The following STK39 variants were observed in gnomAD, a reference collection of about 807,000 sequenced individuals.
STK39 encodes STE20/SPS1-related proline-alanine-rich protein kinase.
In STK39, 20 loss-of-function variants were observed where a neutral mutation model predicts 77.8. The ratio of observed to expected loss-of-function variants is 0.26; its 90% CI spans 0.18 to 0.37. The LOEUF (loss-of-function observed/expected upper bound fraction) is 0.37. Among genes scored for constraint, STK39 ranks in the 10% least tolerant of loss-of-function variants. STK39 has a pLI of 1.00. For synonymous variants in STK39, 246 were observed against 234.1 expected (o/e 1.05, Z -0.47); for missense variants, 479 against 656.5 (o/e 0.73, Z 2.95).
intron 14 of STK39, among the ~76,000 whole-genome samples, chr2:168,017,824 C>A (rs912151675): frequency 6.6e-6 from 1 of 152,034 alleles, no homozygotes; most frequent in African/African-American, 2.4e-5. Context: ...AAGCACTACA[C>A]ATTAAATCAT....
At chr2:168,148,112 G>C (rs926722440) in intron 5 of STK39, among the ~76,000 whole-genome samples, 26 of 152,172 alleles carry the variant, frequency 1.7e-4, no homozygotes, top group African/African-American at 6.3e-4. Context: ...GTTTCCTTCT[G>C]ATTGCAATGC....
chr2:168,025,431 GTTCTC>G (rs1684671086), intron 14 of STK39, among the ~76,000 whole-genome samples: 1 of 152,174 alleles, frequency 6.6e-6, no homozygotes, highest in African/African-American at 2.4e-5. Context: ...CTCTGTAAGA[GTTCTC>G]GTATCATCCG....
chr2:168,190,982 G>A (rs1211874911), intron 1 of STK39, among the ~76,000 whole-genome samples: 8 of 152,178 alleles, frequency 5.3e-5, no homozygotes. Flanking sequence ...ACACCCACTG[G>A]CAAGGCCAAA....
intron 1 of STK39, among the ~76,000 whole-genome samples, chr2:168,198,038 CAAA>C (rs11448638): frequency 2.4e-5 from 3 of 124,426 alleles, no homozygotes; most frequent in Non-Finnish European, 1.8e-5. Context: ...AACTCGGTCT[CAAA>C]AAAAAAAAAA....
intron 10 of STK39, among the ~76,000 whole-genome samples, chr2:168,096,839 A>C (rs1387357252): frequency 6.6e-6 from 1 of 152,282 alleles, no homozygotes; most frequent in East Asian, 1.9e-4. Context: ...CTTCCTTATG[A>C]AACTTGTTCC....
At chr2:168,207,409 C>T (rs1352735185) in intron 1 of STK39, among the ~76,000 whole-genome samples, 2 of 152,154 alleles carry the variant, frequency 1.3e-5, no homozygotes, top group African/African-American at 4.8e-5. Context: ...TAGGCCTCCA[C>T]CCTTATGTCT....
chr2:168,126,931 T>G (rs1163300070), intron 10 of STK39, among the ~76,000 whole-genome samples: 3 of 152,100 alleles, frequency 2.0e-5, no homozygotes, highest in African/African-American at 7.2e-5. Context: ...CTCCCTTCAC[T>G]CCTATGTGAC....
At chr2:168,241,408 C>G (rs927299149) in intron 1 of STK39, among the ~76,000 whole-genome samples, 3 of 152,204 alleles carry the variant, frequency 2.0e-5, no homozygotes, top group Admixed American at 1.3e-4. Flanking sequence ...TCATAATGGG[C>G]TGCTCCTCTT....
chr2:168,050,493 T>A (rs903621023), intron 14 of STK39, among the ~76,000 whole-genome samples: 1 of 152,160 alleles, frequency 6.6e-6, no homozygotes, highest in Admixed American at 6.5e-5. Context: ...GGTGAGACCA[T>A]CCTAATCACA....
intron 12 of STK39, among the ~76,000 whole-genome samples, chr2:168,068,576 C>T (rs1366680334): frequency 2.0e-5 from 3 of 152,160 alleles, no homozygotes; most frequent in Non-Finnish European, 4.4e-5. Context: ...GGGGAGATTG[C>T]ATGAGGAATA....
chr2:168,031,482 C>A (rs958638127), intron 14 of STK39, among the ~76,000 whole-genome samples: 2 of 152,088 alleles, frequency 1.3e-5, no homozygotes, highest in African/African-American at 4.8e-5. Context: ...TTCTTATGGG[C>A]TGAACACACA....
chr2:167,988,320 T>A (rs910945075), intron 16 of STK39, among the ~76,000 whole-genome samples: 4 of 152,162 alleles, frequency 2.6e-5, no homozygotes, highest in Admixed American at 2.6e-4. Flanking sequence ...CAGGCATATA[T>A]GAAGATCCCT....
intron 14 of STK39, among the ~76,000 whole-genome samples, chr2:168,030,983 T>C (rs1684819688): frequency 6.6e-6 from 1 of 152,178 alleles, no homozygotes; most frequent in Admixed American, 6.5e-5. Flanking sequence ...ATGCAGAATG[T>C]CTAAACAAAC....
intron 16 of STK39, among the ~76,000 whole-genome samples, chr2:167,971,616 T>C (rs1692347012): frequency 6.6e-6 from 1 of 152,196 alleles, no homozygotes; most frequent in South Asian, 2.1e-4. Flanking sequence ...GAAATGGCTC[T>C]TACTAAAGGT....
At chr2:168,039,976 T>C (rs1383307285) in intron 14 of STK39, among the ~76,000 whole-genome samples, 1 of 152,132 alleles carries the variant, frequency 6.6e-6, no homozygotes, top group Non-Finnish European at 1.5e-5. Flanking sequence ...GAAGCCTCCC[T>C]GAGCCTCTCT....
rs115522724 is a variant in STK39 at position 168,050,643 on chromosome 2, C to T, written c.1376+12857G>A. Among the ~76,000 whole-genome samples the T allele has an allele frequency of 9.8e-3, 1,490 of 152,234 alleles. 22 individuals are homozygous for T. Among genetic ancestry groups the T allele is most frequent in the African/African-American group, 0.034 (1,425 of 41,534 alleles). ...AGCCGAGGGATGCAGGCTACCTCTA[C>T]AAGCTGGAAAAGGGAAGGAAACAGA... is the stretch of plus-strand genomic sequence containing the variant. On this transcript the variant is annotated intron_variant, in intron 14 of 17. Transcript: ENST00000355999.
At chr2:168,072,195 C>T (rs16854637) in intron 12 of STK39, among the ~76,000 whole-genome samples, 3,736 of 152,060 alleles carry the variant, frequency 0.025, 166 homozygotes, top group African/African-American at 0.086. Flanking sequence ...AAAAATGACA[C>T]GCTAGATTTT....
chr2:168,167,555 A>T, intron 2 of STK39, 148 bp from the exon 3 acceptor site: 1 of 634,204 alleles, frequency 1.6e-6, no homozygotes, highest in South Asian at 2.0e-5. Context: ...AAGAAGGTAT[A>T]TAAGGACCAA....
intron 1 of STK39, among the ~76,000 whole-genome samples, chr2:168,219,623 C>T (rs1334319720): frequency 6.6e-6 from 1 of 152,134 alleles, no homozygotes; most frequent in East Asian, 1.9e-4. Context: ...CTGACTTTTT[C>T]TCCAAGTGGT....
Sources: allele counts gnomAD v4.1 joint callset (sites outside exome capture counted in the v4.1 genomes callset), GRCh38; gene constraint gnomAD v4.1.1; transcripts MANE v1.5; gene names NCBI Gene and HGNC (gene_info 2026-07-23, HGNC 2026-07-21).